The following RANBP9 variants were observed in gnomAD, a reference collection of about 807,000 sequenced individuals.
RANBP9 encodes ran-binding protein 9.
A neutral mutation model predicts 84.3 loss-of-function variants in RANBP9; 15 were observed. The observed-to-expected ratio is 0.18, with a 90% CI of 0.12 to 0.27. The LOEUF (loss-of-function observed/expected upper bound fraction) is 0.27, where lower values mean the gene tolerates loss of function less well. Among genes scored for constraint, RANBP9 ranks in the 10% least tolerant of loss-of-function variants. The pLI is 1.00. For synonymous variants in RANBP9, 392 were observed against 349.6 expected, an observed-to-expected ratio of 1.12 and a Z score of -1.35; for missense variants, 809 against 912.8, an observed-to-expected ratio of 0.89 and a Z score of 1.46.
At chr6:13,709,708 C>T (rs960455108) in intron 1 of RANBP9, among the ~76,000 whole-genome samples, 2 of 152,128 alleles carry the variant, frequency 1.3e-5, no homozygotes, top group South Asian at 4.1e-4. Context: ...TATTTTTGTG[C>T]GTGATTCTTT....
At chr6:13,659,366 G>A (rs939570921) in intron 2 of RANBP9, among the ~76,000 whole-genome samples, 5 of 151,108 alleles carry the variant, frequency 3.3e-5, no homozygotes, top group African/African-American at 1.2e-4. Context: ...TTACCCCAAG[G>A]TATGTATTTT....
At chr6:13,644,849 C>A (rs1765145994) in intron 5 of RANBP9, 120 bp from the exon 6 acceptor site, 2 of 851,788 alleles carry the variant, frequency 2.3e-6, no homozygotes, top group African/African-American at 3.5e-5. Context: ...AAATCCCAAT[C>A]AAAATATTAG....
Position 13,648,141 on chromosome 6 carries a change from G to GTTT in RANBP9, c.928-3415_928-3413dup, listed in dbSNP as rs375219477. Among the ~76,000 whole-genome samples the GTTT allele has an allele frequency of 8.1e-4, 65 of 80,676 alleles. 4 individuals carry two copies. The highest frequency in any genetic ancestry group is 1.6e-3 in the South Asian group (3 of 1,844). 52.9% of individuals were successfully genotyped at this position (80,676 alleles called of 152,430 possible). A position where few individuals can be genotyped will look rare whatever the true frequency, so the allele number is the denominator to read the frequency against. On this transcript the variant is annotated intron_variant, in intron 5 of 13. Transcript: ENST00000011619. The stretch of plus-strand genomic sequence containing the variant: ...CAAAATATGTGATCTTATATGACTG[G>GTTT]TTTTTTTTTTTTTTTTTTTTTTTTT...
At chr6:13,685,288 C>G (rs1044971842) in intron 2 of RANBP9, among the ~76,000 whole-genome samples, 1 of 152,148 alleles carries the variant, frequency 6.6e-6, no homozygotes, top group African/African-American at 2.4e-5. Flanking sequence ...TAAACTTAGA[C>G]TATGCCACAG....
chr6:13,673,709 A>C (rs1025598234), intron 2 of RANBP9, among the ~76,000 whole-genome samples: 3 of 152,176 alleles, frequency 2.0e-5, no homozygotes, highest in East Asian at 1.9e-4. Context: ...GCTCTAAGGG[A>C]AACTACCAAA....
At chr6:13,625,614 G>A in intron 13 of RANBP9, 39 bp downstream of exon 13, 2 of 1,431,210 alleles carry the variant, frequency 1.4e-6, no homozygotes, top group South Asian at 1.2e-5. Flanking sequence ...AATTTTCAGA[G>A]AATCTAACTG....
Position 13,711,225 on chromosome 6 carries a change from G to A in RANBP9, c.281C>T (p.Ser94Leu), listed in dbSNP as rs1354466154. 27 of 1,042,074 alleles carry A rather than the reference G, an allele frequency of 2.6e-5. No individual in the cohort carries two copies. Among genetic ancestry groups the A allele is most frequent in the Non-Finnish European group, 2.8e-5 (24 of 866,780 alleles). The allele number at this position is 1,042,074 out of a possible 1,614,324, so 64.6% of individuals were successfully genotyped here. The change falls in exon 1 of 14, where the codon TCA becomes TTA. Residue 94 changes from serine to leucine, a missense_variant. By Grantham distance (145) the Ser-to-Leu change is moderately radical. Transcript: ENST00000011619. ...CGGCCCGCTGGCGGGGGCAGCCGCT[G>A]AGGCAGGGGGAGGCGGGGGCGGCGG... Reference protein sequence around the residue: ...PPPPPPPPPASAAAPASGPPA... With the variant: ...PPPPPPPPPALAAAPASGPPA...
intron 5 of RANBP9, among the ~76,000 whole-genome samples, chr6:13,648,038 G>A (rs974041866): frequency 2.7e-5 from 4 of 150,716 alleles, no homozygotes; most frequent in Non-Finnish European, 4.4e-5. Flanking sequence ...CCATTTCCCC[G>A]TTCCCCCTGG....
chr6:13,662,869 G>A (rs1765565417), intron 2 of RANBP9, among the ~76,000 whole-genome samples: 1 of 151,986 alleles, frequency 6.6e-6, no homozygotes, highest in Admixed American at 6.6e-5. Context: ...GCAGACTGAA[G>A]ATGGCAAAAC....
chr6:13,656,121 A>G (rs1765394803), intron 4 of RANBP9, among the ~76,000 whole-genome samples: 1 of 152,210 alleles, frequency 6.6e-6, no homozygotes, highest in South Asian at 2.1e-4. Context: ...GCAGCCAGAA[A>G]TTCAGAATTT....
At chr6:13,632,838 T>TAAAAAAAA (rs372574264) in intron 11 of RANBP9, 1 of 121,564 alleles carries the variant, frequency 8.2e-6, no homozygotes, top group Non-Finnish European at 1.7e-5. Context: ...AAGCAACATT[T>TAAAAAAAA]AAAAAAAAAA....
chr6:13,658,334 C>T (rs1442739140), intron 3 of RANBP9, among the ~76,000 whole-genome samples: 1 of 152,182 alleles, frequency 6.6e-6, no homozygotes, highest in Non-Finnish European at 1.5e-5. Flanking sequence ...GCAGGCTGGG[C>T]ATGGTGGCTC....
chr6:13,672,815 C>T (rs150152578), intron 2 of RANBP9, among the ~76,000 whole-genome samples: 68 of 150,960 alleles, frequency 4.5e-4, no homozygotes, highest in African/African-American at 1.6e-3. Context: ...AGCATTAACA[C>T]AAATAAAGAA....
intron 2 of RANBP9, among the ~76,000 whole-genome samples, chr6:13,683,621 T>C (rs190786518): frequency 2.2e-3 from 334 of 152,288 alleles, no homozygotes; most frequent in African/African-American, 7.5e-3. Flanking sequence ...GGAGAGAATA[T>C]ACTCCAAAAT....
chr6:13,687,972 G>GGCAGCAGCCA (rs1766229024), intron 2 of RANBP9, among the ~76,000 whole-genome samples: 1 of 152,210 alleles, frequency 6.6e-6, no homozygotes, highest in African/African-American at 2.4e-5. Context: ...CAGCAGCAGT[G>GGCAGCAGCCA]GCAGCAGCCA....
rs1272195198 is a variant in RANBP9, at chr6:13,711,121, C to G, written c.385G>C (p.Ala129Pro). Residue 129 changes from alanine to proline, a missense_variant, in exon 1 of 14, where the codon GCC becomes CCC. This residue lies in a region of RANBP9 where 302 missense variants were observed against 240.1 expected (regional missense o/e 1.26). Transcript: ENST00000011619. ...PTPALVAGSS[A>P]AAPFPHGDSA... ...TCCCCGTGAGGGAAGGGGGCCGCGG[C>G]GCTGCTGCCCGCCACCAGAGCTGGG... The G allele has an allele frequency of 3.2e-6, 5 of 1,545,100 alleles. No homozygotes were observed. Among genetic ancestry groups the G allele is most frequent in the Non-Finnish European group, 4.4e-6 (5 of 1,146,512 alleles).
chr6:13,623,569 G>GA (rs1764518333), intron 13 of RANBP9, among the ~76,000 whole-genome samples: 2 of 152,188 alleles, frequency 1.3e-5, no homozygotes, highest in Admixed American at 6.5e-5. Context: ...GGTTCACAGG[G>GA]AAGACCGTGC....
chr6:13,676,191 A>G lies in RANBP9; in HGVS notation c.684-17359T>C, dbSNP rs192756565. Among the ~76,000 whole-genome samples, 1,136 of 152,234 alleles carry G rather than the reference A, an allele frequency of 7.5e-3. 6 individuals carry two copies. The highest frequency in any genetic ancestry group is 0.012 in the Non-Finnish European group (810 of 67,970). ...AATGTTTGTCCTCAGAATATATCCAATAAGGGTGTACGATATATTGTGTTC... is the reference window on the plus strand; with the variant it reads ...AATGTTTGTCCTCAGAATATATCCAGTAAGGGTGTACGATATATTGTGTTC... On this transcript the variant is annotated intron_variant, in intron 2 of 13. Transcript: ENST00000011619.
At chr6:13,636,617 T>C (rs963061265) in intron 10 of RANBP9, among the ~76,000 whole-genome samples, 10 of 152,266 alleles carry the variant, frequency 6.6e-5, no homozygotes, top group Non-Finnish European at 1.2e-4. Flanking sequence ...GCATTTAGTA[T>C]AAAGCATGAT....
Sources: allele counts gnomAD v4.1 joint callset (sites outside exome capture counted in the v4.1 genomes callset), GRCh38; gene constraint gnomAD v4.1.1; regional missense constraint gnomAD v4.1.1; transcripts MANE v1.5; gene names NCBI Gene and HGNC (gene_info 2026-07-23, HGNC 2026-07-21).